Variants in SLC44A5 observed in about 807,000 individuals in gnomAD.
SLC44A5 encodes solute carrier family 44 member 5.
Under a neutral mutation model 101.8 loss-of-function variants are expected in SLC44A5, and 57 were observed. That is an observed-to-expected ratio of 0.56 (90% CI 0.45 to 0.70). The LOEUF is 0.70. Among genes scored for constraint, SLC44A5 ranks in the 30% least tolerant of loss-of-function variants. The pLI is 0.00. For synonymous variants in SLC44A5, 281 were observed against 290.9 expected (o/e 0.97, Z 0.35); for missense variants, 737 against 853.1 (o/e 0.86, Z 1.70).
At chr1:75,359,163 A>G (rs1659299219) in intron 3 of SLC44A5, among the ~76,000 whole-genome samples, 1 of 147,086 alleles carries the variant, frequency 6.8e-6, no homozygotes, top group South Asian at 2.1e-4. Flanking sequence ...CAAATGACAG[A>G]ATTTTCTTTT....
At chr1:75,553,979 C>T (rs57804608) in intron 1 of SLC44A5, among the ~76,000 whole-genome samples, 24,994 of 151,996 alleles carry the variant, frequency 0.16, 2,239 homozygotes, top group Admixed American at 0.24. Context: ...TGAAACTGGG[C>T]GGCACTTTCA....
At chr1:75,610,927 ATGTG>A (rs58374130) in intron 1 of SLC44A5, 109 bp downstream of exon 1, 11 of 218,620 alleles carry the variant, frequency 5.0e-5, no homozygotes, top group African/African-American at 1.7e-4. Flanking sequence ...CACTATATAT[ATGTG>A]TGTGTGTGTG....
intron 3 of SLC44A5, among the ~76,000 whole-genome samples, chr1:75,359,859 C>T (rs1031755249): frequency 6.6e-6 from 1 of 152,108 alleles, no homozygotes; most frequent in African/African-American, 2.4e-5. Flanking sequence ...TCAATAATAG[C>T]CAACAGGTAT....
chr1:75,448,298 A>T (rs1458603406), intron 2 of SLC44A5, among the ~76,000 whole-genome samples: 1 of 152,202 alleles, frequency 6.6e-6, no homozygotes, highest in Non-Finnish European at 1.5e-5. Context: ...TGGAAACATG[A>T]TCATCAGCAA....
chr1:75,315,914 T>C (rs1462939431), intron 4 of SLC44A5, among the ~76,000 whole-genome samples: 1 of 152,168 alleles, frequency 6.6e-6, no homozygotes, highest in Non-Finnish European at 1.5e-5. Flanking sequence ...CCCTGCTGAT[T>C]CTCCATCCTA....
intron 5 of SLC44A5, among the ~76,000 whole-genome samples, chr1:75,279,859 A>G (rs899385001): frequency 1.3e-5 from 2 of 151,880 alleles, no homozygotes; most frequent in South Asian, 2.1e-4. Flanking sequence ...GCACCTGAGC[A>G]GTGTACATTC....
intron 5 of SLC44A5, among the ~76,000 whole-genome samples, chr1:75,292,064 T>C (rs1318892163): frequency 6.6e-6 from 1 of 151,542 alleles, no homozygotes; most frequent in South Asian, 2.1e-4. Flanking sequence ...ATTTCAGATA[T>C]GGATGGAGAG....
intron 1 of SLC44A5, among the ~76,000 whole-genome samples, chr1:75,600,016 A>G (rs1270682086): frequency 6.6e-6 from 1 of 152,196 alleles, no homozygotes; most frequent in East Asian, 1.9e-4. Context: ...GCAGTAGAGT[A>G]AAAAATAAAT....
intron 5 of SLC44A5, among the ~76,000 whole-genome samples, chr1:75,277,706 G>C (rs533358358): frequency 5.2e-4 from 78 of 151,020 alleles, no homozygotes; most frequent in Admixed American, 1.5e-3. Flanking sequence ...TATCTGATTG[G>C]GGGGGATCTG....
intron 2 of SLC44A5, among the ~76,000 whole-genome samples, chr1:75,446,947 A>C (rs1035559873): frequency 3.9e-5 from 6 of 152,190 alleles, no homozygotes; most frequent in African/African-American, 1.4e-4. Context: ...GCAATCATTC[A>C]TTCATCAGCA....
chr1:75,291,175 C>A (rs757945453), intron 5 of SLC44A5, among the ~76,000 whole-genome samples: 12 of 152,246 alleles, frequency 7.9e-5, no homozygotes, highest in Non-Finnish European at 1.6e-4. Flanking sequence ...TAAGTCAATG[C>A]TAGACCACCA....
chr1:75,678,107 G>A, the SLC44A5 span, among the ~76,000 whole-genome samples: 1 of 152,144 alleles, frequency 6.6e-6, no homozygotes, highest in East Asian at 1.9e-4. Flanking sequence ...GGCTCGGAGG[G>A]TCCTACCCCA....
At chr1:75,235,821 C>G (rs112712577) in intron 11 of SLC44A5, among the ~76,000 whole-genome samples, 33 of 151,922 alleles carry the variant, frequency 2.2e-4, no homozygotes, top group African/African-American at 7.7e-4. Context: ...GTTAGGAAAA[C>G]AAAGATGAGT....
intron 2 of SLC44A5, among the ~76,000 whole-genome samples, chr1:75,408,883 C>G (rs897990931): frequency 3.9e-5 from 6 of 152,136 alleles, no homozygotes; most frequent in African/African-American, 1.4e-4. Flanking sequence ...TACACAGGTA[C>G]TGTCACTTAA....
intron 2 of SLC44A5, among the ~76,000 whole-genome samples, chr1:75,457,919 G>A (rs1666278947): frequency 6.6e-6 from 1 of 151,992 alleles, no homozygotes; most frequent in African/African-American, 2.4e-5. Flanking sequence ...AAGTAAATGT[G>A]GTTGGAGAAA....
chr1:75,506,533 G>A (rs183685976), intron 2 of SLC44A5, among the ~76,000 whole-genome samples: 9 of 152,110 alleles, frequency 5.9e-5, no homozygotes, highest in African/African-American at 9.6e-5. Context: ...GCAGTGTTTC[G>A]TAGTTCTTGG....
chr1:75,337,218 G>A (rs531950805), intron 4 of SLC44A5, among the ~76,000 whole-genome samples: 2 of 152,164 alleles, frequency 1.3e-5, no homozygotes, highest in Admixed American at 1.3e-4. Context: ...TTAAATAAAT[G>A]TGTATAGTAC....
chr1:75,519,278 C>T (rs1372910829), intron 2 of SLC44A5, among the ~76,000 whole-genome samples: 1 of 152,070 alleles, frequency 6.6e-6, no homozygotes, highest in African/African-American at 2.4e-5. Flanking sequence ...ACATTATTGG[C>T]GAGGTGTGGT....
intron 2 of SLC44A5, among the ~76,000 whole-genome samples, chr1:75,505,556 T>A (rs1669204398): frequency 2.0e-5 from 3 of 152,186 alleles, no homozygotes; most frequent in Admixed American, 2.0e-4. Context: ...CTGACTAGTG[T>A]GAGATGGTAT....
Sources: gnomAD v4.1 joint callset for allele counts (sites outside exome capture counted in the v4.1 genomes callset) on GRCh38, gnomAD v4.1.1 for gene constraint, MANE v1.5 for transcripts, NCBI Gene and HGNC (gene_info 2026-07-23, HGNC 2026-07-21) for gene names.